The following STXBP5L variants were observed in gnomAD, a reference collection of about 807,000 sequenced individuals.
STXBP5L encodes syntaxin-binding protein 5-like.
Under a neutral mutation model 144.5 loss-of-function variants are expected in STXBP5L, and 65 were observed. The observed-to-expected ratio is 0.45, with a 90% CI of 0.37 to 0.55. The LOEUF (loss-of-function observed/expected upper bound fraction) is 0.55. Ranked by LOEUF, STXBP5L falls within the 20% of genes least tolerant of loss-of-function variation. The pLI is 0.00. For missense variants in STXBP5L, 1,298 were observed against 1,405.5 expected, an observed-to-expected ratio of 0.92 and a Z score of 1.22; for synonymous variants, 505 against 469.6, an observed-to-expected ratio of 1.08 and a Z score of -0.97.
chr3:121,324,424 A>T (rs2044077320), intron 20 of STXBP5L: 8 of 607,642 alleles, frequency 1.3e-5, no homozygotes, highest in Non-Finnish European at 2.3e-5. Context: ...GCTTTATTAA[A>T]GATAAAAATT....
chr3:121,258,456 T>C (rs1559912941), intron 17 of STXBP5L, among the ~76,000 whole-genome samples: 1 of 152,180 alleles, frequency 6.6e-6, no homozygotes, highest in East Asian at 1.9e-4. Context: ...TCTTTTGATG[T>C]ACATAAAAAG....
At chr3:121,009,878 A>T (rs995657793) in intron 3 of STXBP5L, among the ~76,000 whole-genome samples, 1 of 151,970 alleles carries the variant, frequency 6.6e-6, no homozygotes, top group Non-Finnish European at 1.5e-5. Context: ...CTATGCAGAC[A>T]TCATGGCCTT....
At chr3:121,009,224 A>G (rs761276662) in intron 3 of STXBP5L, among the ~76,000 whole-genome samples, 33 of 151,928 alleles carry the variant, frequency 2.2e-4, no homozygotes, top group Middle Eastern at 3.2e-3. Flanking sequence ...TCAGTGGTAG[A>G]TGTACTATGT....
At chr3:121,376,991 T>C (rs2046203023) in intron 20 of STXBP5L, among the ~76,000 whole-genome samples, 2 of 152,216 alleles carry the variant, frequency 1.3e-5, no homozygotes, top group African/African-American at 2.4e-5. Flanking sequence ...TTTGAAGCAA[T>C]TGTGAATGGG....
chr3:121,045,249 G>A (rs184380749), intron 4 of STXBP5L, among the ~76,000 whole-genome samples, 186 bp from the exon 5 acceptor site: 1 of 152,118 alleles, frequency 6.6e-6, no homozygotes, highest in East Asian at 1.9e-4. Context: ...TGGGTCAGTT[G>A]CCTCTTCTAC....
chr3:121,183,495 C>T (rs1279036797), intron 9 of STXBP5L, among the ~76,000 whole-genome samples: 1 of 151,750 alleles, frequency 6.6e-6, no homozygotes, highest in South Asian at 2.1e-4. Context: ...TGATATACAC[C>T]AACAGTGACC....
chr3:120,916,444 G>A (rs1181215095), intron 2 of STXBP5L, among the ~76,000 whole-genome samples: 4 of 151,992 alleles, frequency 2.6e-5, no homozygotes, highest in African/African-American at 7.3e-5. Context: ...GGGATTACAG[G>A]CGCCCACCAC....
At position 121,421,020 on chromosome 3, in the gene STXBP5L, A is replaced by G. The variant is rs534287271; in HGVS notation, c.*1923A>G. 6.6e-6 allele frequency: 1 copy of G among 151,864 alleles called. No individual in the cohort carries two copies. Among genetic ancestry groups the G allele is most frequent in the Non-Finnish European group, 1.5e-5 (1 of 67,996 alleles). The allele number at this position is 151,864 out of a possible 1,614,324, so 9.4% of individuals were successfully genotyped here. Reference sequence around the variant, plus strand: ...CTTACGGTAACAGAATCTGGCTTGGAAACACAGACATTACATGACTGTATA... The same window carrying G: ...CTTACGGTAACAGAATCTGGCTTGGGAACACAGACATTACATGACTGTATA... On this transcript the variant is annotated 3_prime_UTR_variant, in exon 27 of 27. Transcript: ENST00000471454.
At chr3:121,213,648 A>G (rs1424877870) in intron 10 of STXBP5L, among the ~76,000 whole-genome samples, 1 of 147,050 alleles carries the variant, frequency 6.8e-6, no homozygotes, top group South Asian at 2.3e-4. Flanking sequence ...ATTGATGTTC[A>G]TCAGGGATAT....
chr3:121,405,533 GT>G (rs897347020), intron 22 of STXBP5L, among the ~76,000 whole-genome samples: 3 of 152,200 alleles, frequency 2.0e-5, no homozygotes, highest in African/African-American at 7.2e-5. Flanking sequence ...GGCAAGGCTG[GT>G]GATTTGGGAA....
At chr3:121,024,728 T>C (rs554481813) in intron 3 of STXBP5L, among the ~76,000 whole-genome samples, 1 of 152,298 alleles carries the variant, frequency 6.6e-6, no homozygotes, top group African/African-American at 2.4e-5. Context: ...AATTTTTCCT[T>C]CTCTACAACA....
chr3:121,061,876 T>G (rs2041299189), intron 5 of STXBP5L, among the ~76,000 whole-genome samples: 1 of 152,088 alleles, frequency 6.6e-6, no homozygotes, highest in South Asian at 2.1e-4. Context: ...GCACATGAGA[T>G]GGGTCTCCTG....
At chr3:120,960,692 T>C (rs945498784) in intron 3 of STXBP5L, among the ~76,000 whole-genome samples, 3 of 151,050 alleles carry the variant, frequency 2.0e-5, no homozygotes, top group Non-Finnish European at 2.9e-5. Flanking sequence ...TTCTCACTCA[T>C]AGGTGGGAAT....
At chr3:121,101,510 G>C (rs925341520) in intron 5 of STXBP5L, among the ~76,000 whole-genome samples, 9 of 152,002 alleles carry the variant, frequency 5.9e-5, no homozygotes, top group Admixed American at 5.3e-4. Flanking sequence ...CACAGAAAAT[G>C]CTGTTGATAA....
chr3:121,220,915 A>G (rs1477943063), intron 10 of STXBP5L, among the ~76,000 whole-genome samples: 1 of 152,000 alleles, frequency 6.6e-6, no homozygotes, highest in Non-Finnish European at 1.5e-5. Flanking sequence ...AATTTACTTT[A>G]TATATACACA....
rs79522066 is a variant in STXBP5L at position 121,278,446 on chromosome 3, A to G, written c.1959-1359A>G. Reference sequence around the variant, plus strand: ...AATTATTTATGGTATATAGAATGTCATGCATCCTAGTTGCCTACATTTTTT... The same window carrying G: ...AATTATTTATGGTATATAGAATGTCGTGCATCCTAGTTGCCTACATTTTTT... On this transcript the variant is annotated intron_variant, in intron 18 of 26. Transcript: ENST00000471454. Among the ~76,000 whole-genome samples, 354 of 152,060 alleles carry G rather than the reference A, an allele frequency of 2.3e-3. 2 individuals carry two copies. Among genetic ancestry groups the G allele is most frequent in the African/African-American group, 7.9e-3 (329 of 41,538 alleles).
rs564242580 is a variant in STXBP5L, at chr3:121,223,763, T to A, written c.1111+606T>A. On this transcript the variant is annotated intron_variant, in intron 11 of 26. Transcript: ENST00000471454. ...AAACATAACAACTAGTCTAAACTTA[T>A]ATGCAATCTGTATAATGAAATCTAA... 3.3e-5 allele frequency among the ~76,000 whole-genome samples: 5 copies of A among 152,254 alleles called. No homozygotes were observed. The East Asian group carries it at 7.7e-4, about 23-fold the overall frequency.
intron 14 of STXBP5L, among the ~76,000 whole-genome samples, chr3:121,248,659 C>T (rs1307605659): frequency 2.6e-5 from 4 of 152,068 alleles, no homozygotes; most frequent in Non-Finnish European, 4.4e-5. Context: ...TTAGTTCTTA[C>T]ATGTCAATTT....
chr3:120,949,716 A>G (rs959396664), intron 2 of STXBP5L, among the ~76,000 whole-genome samples: 45 of 151,990 alleles, frequency 3.0e-4, no homozygotes, highest in African/African-American at 1.1e-3. Context: ...GTTGAAGGTC[A>G]AATACCTTGT....
Sources: gnomAD v4.1 joint callset for allele counts (sites outside exome capture counted in the v4.1 genomes callset) on GRCh38, gnomAD v4.1.1 for gene constraint, MANE v1.5 for transcripts, NCBI Gene and HGNC (gene_info 2026-07-23, HGNC 2026-07-21) for gene names.